The following PGS1 variants were observed in gnomAD, a reference collection of about 807,000 sequenced individuals.
The protein encoded by PGS1 is CDP-diacylglycerol--glycerol-3-phosphate 3-phosphatidyltransferase, mitochondrial.
A neutral mutation model predicts 58.3 loss-of-function variants in PGS1; 44 were observed. The ratio of observed to expected loss-of-function variants is 0.75; its 90% confidence interval spans 0.59 to 0.97. The LOEUF is 0.97. Among genes scored for constraint, PGS1 ranks in the 50% least tolerant of loss-of-function variants. The pLI is 0.00. For synonymous variants in PGS1, 330 were observed against 311.0 expected, an observed-to-expected ratio of 1.06 and a Z score of -0.64; for missense variants, 684 against 731.1, an observed-to-expected ratio of 0.94 and a Z score of 0.74.
chr17:78,403,524 C>G (rs2083865833), intron 6 of PGS1, 44 bp from the exon 7 acceptor site: 1 of 1,582,658 alleles, frequency 6.3e-7, no homozygotes, highest in African/African-American at 1.3e-5. Context: ...GAGTCCAGAC[C>G]CTCCATTTCT....
At chr17:78,423,570 C>CT (rs1014771839) in intron 9 of PGS1, 33 of 310,128 alleles carry the variant, frequency 1.1e-4, no homozygotes, top group African/African-American at 6.8e-4. Flanking sequence ...CTGACCCCCC[C>CT]GGGAAGTCAG....
intron 9 of PGS1, 200 bp downstream of exon 9, chr17:78,419,875 TCCATCTGGTACCCACTCCACTAAGTC>T: frequency 7.6e-7 from 1 of 1,322,320 alleles, no homozygotes; most frequent in Admixed American, 2.8e-5. Flanking sequence ...CTGTTCACTT[TCCATCTGGTACCCACTCCACTAAGTC>T]CCAAGGCGCC....
chr17:78,404,083 G>A lies in PGS1; in HGVS notation c.1396G>A (p.Ala466Thr). 3.9e-6 allele frequency: 6 copies of A among 1,557,654 alleles called. No individual in the cohort carries two copies. Among genetic ancestry groups the A allele is most frequent in the South Asian group, 1.2e-5 (1 of 85,746 alleles). ...CTGGCGGAGGGGCTGGACGTTCCAC[G>A]CCAAAGGTGCGCAGCGGCTGGCTGG... Reference protein sequence around the residue: ...EYWRRGWTFHAKGLWLYLAGS... With the variant: ...EYWRRGWTFHTKGLWLYLAGS... Residue 466 changes from alanine to threonine, a missense_variant, in exon 7 of 10, where the codon GCC becomes ACC. By Grantham distance (58) the Ala-to-Thr change is moderately conservative. Transcript: ENST00000262764.
chr17:78,408,935 C>A (rs1598351349), intron 7 of PGS1, among the ~76,000 whole-genome samples: 1 of 152,150 alleles, frequency 6.6e-6, no homozygotes, highest in Admixed American at 6.5e-5. Flanking sequence ...CTTTCCTTCC[C>A]AAGCCTGGTC....
At chr17:78,407,705 T>G (rs2084274597) in intron 7 of PGS1, among the ~76,000 whole-genome samples, 2 of 152,236 alleles carry the variant, frequency 1.3e-5, no homozygotes, top group Non-Finnish European at 2.9e-5. Context: ...GGATTCTAGA[T>G]CCTTGCCCCT....
At chr17:78,401,947 G>A (rs534430211) in intron 6 of PGS1, among the ~76,000 whole-genome samples, 100 of 152,334 alleles carry the variant, frequency 6.6e-4, no homozygotes, top group Non-Finnish European at 1.2e-3. Flanking sequence ...AACAGGCCAT[G>A]CTTAGGCCAG....
rs770576882 is a variant in PGS1, at chr17:78,392,533, C to A, written c.201C>A (p.Ser67=). Residue 67 remains serine, a synonymous_variant, in exon 2 of 10, where the codon TCC becomes TCA. Coordinates refer to ENST00000262764, the MANE Select transcript of PGS1 (RefSeq NM_024419.5). ...LLSPAVPQVT[S]PPCCLCPEGV... ...CCCCAGCTGTTCCCCAGGTCACCTC[C>A]CCACCTTGCTGCCTGTGTCCAGAAG... 1 of 1,614,018 alleles carries A rather than the reference C, an allele frequency of 6.2e-7. No homozygotes were observed. The highest frequency in any genetic ancestry group is 8.5e-7 in the Non-Finnish European group (1 of 1,179,998).
chr17:78,397,781 C>T (rs2146188187), intron 3 of PGS1, among the ~76,000 whole-genome samples: 1 of 152,324 alleles, frequency 6.6e-6, no homozygotes, highest in East Asian at 1.9e-4. Context: ...AGCCTGGAAG[C>T]CTGTGTGTTC....
intron 7 of PGS1, among the ~76,000 whole-genome samples, chr17:78,409,898 G>C (rs1309748028): frequency 6.6e-6 from 1 of 152,162 alleles, no homozygotes; most frequent in Non-Finnish European, 1.5e-5. Context: ...ATCACCTGAG[G>C]CCAGAAGTTT....
intron 8 of PGS1, among the ~76,000 whole-genome samples, 161 bp from the exon 9 acceptor site, chr17:78,419,385 C>T (rs2146343357): frequency 6.6e-6 from 1 of 152,328 alleles, no homozygotes; most frequent in South Asian, 2.1e-4. Flanking sequence ...TAGGGCCTGG[C>T]CTTGCCTGCC....
chr17:78,403,919 C>A lies in PGS1; in HGVS notation c.1232C>A (p.Ala411Asp). 6.2e-7 allele frequency: 1 copy of A among 1,614,192 alleles called. No homozygotes were observed. Among genetic ancestry groups the A allele is most frequent in the Non-Finnish European group, 8.5e-7 (1 of 1,179,996 alleles). Residue 411 changes from alanine to aspartate, a missense_variant, in exon 7 of 10, where the codon GCC (alanine) becomes GAC (aspartate). Coordinates refer to ENST00000262764, the MANE Select transcript of PGS1 (RefSeq NM_024419.5). ...GTRAEYQILL[A>D]SPEVNGFFGA... The stretch of plus-strand genomic sequence containing the variant: ...CGGGCTGAGTACCAGATCCTGCTGG[C>A]CTCACCAGAGGTGAATGGCTTCTTT...
At chr17:78,405,143 A>G (rs894880029) in intron 7 of PGS1, among the ~76,000 whole-genome samples, 5 of 149,886 alleles carry the variant, frequency 3.3e-5, no homozygotes, top group African/African-American at 1.2e-4. Context: ...GATTACAGGC[A>G]TGCACCATTA....
intron 8 of PGS1, among the ~76,000 whole-genome samples, chr17:78,416,641 TC>T (rs2085214011): frequency 6.6e-6 from 1 of 152,236 alleles, no homozygotes; most frequent in Non-Finnish European, 1.5e-5. Context: ...TGGGATATTT[TC>T]TTTTTCTTCC....
Position 78,404,104 on chromosome 17 carries a change from G to C in PGS1, c.1402+15G>C. ...CCACGCCAAAGGTGCGCAGCGGCTG[G>C]CTGGAGGACGTTCCAGTGTGGGACA... is the stretch of plus-strand genomic sequence containing the variant. On this transcript the variant is annotated intron_variant, in intron 7 of 9. Coordinates refer to ENST00000262764, the MANE Select transcript of PGS1 (RefSeq NM_024419.5). The C allele has an allele frequency of 6.6e-7, 1 of 1,505,038 alleles. No individual in the cohort carries two copies. The highest frequency in any genetic ancestry group is 8.9e-7 in the Non-Finnish European group (1 of 1,125,996). The allele number at this position is 1,505,038 out of a possible 1,614,324, so 93.2% of individuals were successfully genotyped here.
chr17:78,388,796 T>A (rs957053543), intron 1 of PGS1, among the ~76,000 whole-genome samples: 9 of 150,582 alleles, frequency 6.0e-5, no homozygotes, highest in South Asian at 2.1e-4. Flanking sequence ...TTCCCCTTTT[T>A]GATGCCTTGA....
chr17:78,407,506 G>C (rs1433121758), intron 7 of PGS1, among the ~76,000 whole-genome samples: 1 of 152,228 alleles, frequency 6.6e-6, no homozygotes, highest in East Asian at 1.9e-4. Flanking sequence ...CCTTTGCAAG[G>C]CACTTGCTGG....
At chr17:78,394,375 C>A (rs1007552066) in intron 2 of PGS1, among the ~76,000 whole-genome samples, 6 of 151,858 alleles carry the variant, frequency 4.0e-5, no homozygotes, top group African/African-American at 1.5e-4. Flanking sequence ...CTTAGCTTGA[C>A]TGGCTCATTC....
intron 6 of PGS1, among the ~76,000 whole-genome samples, chr17:78,402,633 A>T (rs1315378771): frequency 6.6e-6 from 1 of 152,122 alleles, no homozygotes; most frequent in Non-Finnish European, 1.5e-5. Flanking sequence ...CTCTTGGTAG[A>T]GACAGGGTTT....
chr17:78,397,586 G>A lies in PGS1; in HGVS notation c.412-666G>A, dbSNP rs574420845. Reference sequence around the variant, plus strand: ...CGAGTAGTTGGGATTACAGGCATGCGCCACCCCCCCAGCTAATTTTGTATT... The same window carrying A: ...CGAGTAGTTGGGATTACAGGCATGCACCACCCCCCCAGCTAATTTTGTATT... On this transcript the variant is annotated intron_variant, in intron 3 of 9. Coordinates refer to ENST00000262764, the MANE Select transcript of PGS1 (RefSeq NM_024419.5). Among the ~76,000 whole-genome samples the A allele has an allele frequency of 6.5e-5, 6 of 92,554 alleles. No homozygotes were observed. The South Asian group carries it at 9.7e-4, about 15-fold the overall frequency. 60.7% of individuals were successfully genotyped at this position (92,554 alleles called of 152,430 possible).
Sources: allele counts gnomAD v4.1 joint callset (sites outside exome capture counted in the v4.1 genomes callset), GRCh38; gene constraint gnomAD v4.1.1; transcripts MANE v1.5; gene names NCBI Gene and HGNC (gene_info 2026-07-23, HGNC 2026-07-21).